Variants in MCTP2 observed in about 807,000 individuals in gnomAD.
The protein encoded by MCTP2 is multiple C2 and transmembrane domain-containing protein 2.
Under a neutral mutation model 111.6 loss-of-function variants are expected in MCTP2, and 132 were observed. The observed-to-expected ratio is 1.18, with a 90% confidence interval of 1.03 to 1.37. MCTP2 has a LOEUF of 1.37. Ranked by LOEUF, MCTP2 falls within the 40% of genes most tolerant of loss-of-function variation. MCTP2 has a pLI of 0.00. For synonymous variants in MCTP2, 395 were observed against 387.7 expected, an observed-to-expected ratio of 1.02 and a Z score of -0.22; for missense variants, 1,183 against 1,067.9, an observed-to-expected ratio of 1.11 and a Z score of -1.50.
At chr15:94,431,559 T>C (rs1166849168) in intron 17 of MCTP2, among the ~76,000 whole-genome samples, 3 of 152,342 alleles carry the variant, frequency 2.0e-5, no homozygotes, top group Non-Finnish European at 4.4e-5. Context: ...GGTATAGTGA[T>C]ATGTAAGACA....
intron 4 of MCTP2, among the ~76,000 whole-genome samples, chr15:94,326,710 G>A (rs1352334648): frequency 6.6e-6 from 1 of 151,910 alleles, no homozygotes; most frequent in Non-Finnish European, 1.5e-5. Flanking sequence ...TGGGATTACA[G>A]GCATGGGCCA....
At position 94,434,612 on chromosome 15, in the gene MCTP2, TA is replaced by T. The variant is rs1042570304; in HGVS notation, c.2086-5556del. Among the ~76,000 whole-genome samples the T allele has an allele frequency of 3.3e-5, 5 of 151,896 alleles. No homozygotes were observed. In the East Asian group the frequency reaches 9.6e-4, roughly 29 times the overall value. On this transcript the variant is annotated intron_variant, in intron 17 of 22. Coordinates refer to ENST00000357742, the MANE Select transcript of MCTP2 (RefSeq NM_001385001.1). ...ATCCAGTTGTTCTAGTGCCAGTGTTTAAAAAAAATACCATTTTTTCGATTGA... is the reference window on the plus strand; with the variant it reads ...ATCCAGTTGTTCTAGTGCCAGTGTTTAAAAAAATACCATTTTTTCGATTGA...
At chr15:94,454,901 A>C (rs983881876) in intron 19 of MCTP2, among the ~76,000 whole-genome samples, 20 of 152,012 alleles carry the variant, frequency 1.3e-4, no homozygotes, top group African/African-American at 4.6e-4. Context: ...CCTCACCGCA[A>C]CCTCTGCCTC....
chr15:94,341,316 A>G, intron 7 of MCTP2: 1 of 168,892 alleles, frequency 5.9e-6, no homozygotes, highest in Non-Finnish European at 1.3e-5. Flanking sequence ...AGATGTCTGT[A>G]ACATCAGTGA....
At chr15:94,243,291 A>G (rs1046633450) in intron 1 of MCTP2, among the ~76,000 whole-genome samples, 4 of 149,006 alleles carry the variant, frequency 2.7e-5, no homozygotes, top group Non-Finnish European at 3.0e-5. Flanking sequence ...GTATGCGTAT[A>G]TGCATATATA....
At chr15:94,303,309 A>T (rs2075731260) in intron 2 of MCTP2, among the ~76,000 whole-genome samples, 1 of 151,844 alleles carries the variant, frequency 6.6e-6, no homozygotes, top group Non-Finnish European at 1.5e-5. Context: ...GTTTGAGGGC[A>T]GGAAGCATCC....
chr15:94,367,310 G>T (rs956971552), intron 10 of MCTP2, among the ~76,000 whole-genome samples: 2 of 151,906 alleles, frequency 1.3e-5, no homozygotes, highest in Admixed American at 1.3e-4. Flanking sequence ...TCTAATTTTT[G>T]ATCTTATCTT....
At chr15:94,289,705 T>A (rs1403766623) in intron 1 of MCTP2, among the ~76,000 whole-genome samples, 1 of 152,166 alleles carries the variant, frequency 6.6e-6, no homozygotes, top group Non-Finnish European at 1.5e-5. Flanking sequence ...AGACAACTTA[T>A]GTATTATTAT....
intron 2 of MCTP2, among the ~76,000 whole-genome samples, chr15:94,310,809 G>A (rs1467459064): frequency 6.6e-6 from 1 of 151,542 alleles, no homozygotes; most frequent in South Asian, 2.1e-4. Flanking sequence ...GTGTGATGGT[G>A]TGCACTTGTA....
At chr15:94,393,283 T>C (rs2081096530) in intron 14 of MCTP2, among the ~76,000 whole-genome samples, 1 of 152,134 alleles carries the variant, frequency 6.6e-6, no homozygotes, top group African/African-American at 2.4e-5. Context: ...TGTCTAAGAT[T>C]TATGTGAAGA....
rs545404385 is a variant in MCTP2, at chr15:94,387,166, T to C, written c.1788+1641T>C. On this transcript the variant is annotated intron_variant, in intron 14 of 22. Transcript: ENST00000357742. Reference sequence around the variant, plus strand: ...CCCCCTTCCTCCTTTCCTTCCTCCCTCTCTCCTTCCTTCCCTAGAAGATCT... The same window carrying C: ...CCCCCTTCCTCCTTTCCTTCCTCCCCCTCTCCTTCCTTCCCTAGAAGATCT... Among the ~76,000 whole-genome samples, 4 of 151,740 alleles carry C rather than the reference T, an allele frequency of 2.6e-5. No homozygotes were observed. In the East Asian group the frequency reaches 5.8e-4, roughly 22 times the overall value.
intron 14 of MCTP2, among the ~76,000 whole-genome samples, chr15:94,397,253 G>A (rs1359363861): frequency 1.3e-5 from 2 of 152,112 alleles, no homozygotes; most frequent in Non-Finnish European, 2.9e-5. Context: ...AGGGACATTA[G>A]GAAACAGGAA....
chr15:94,399,112 A>C, intron 15 of MCTP2, 50 bp downstream of exon 15: 1 of 952,528 alleles, frequency 1.0e-6, no homozygotes, highest in Non-Finnish European at 1.7e-6. Flanking sequence ...CTAAAATAGA[A>C]GGTGACCAGC....
chr15:94,291,776 A>G (rs1437080888), intron 1 of MCTP2, among the ~76,000 whole-genome samples: 1 of 152,216 alleles, frequency 6.6e-6, no homozygotes, highest in African/African-American at 2.4e-5. Context: ...TTTAAAATGA[A>G]GAAAATGCTC....
In MCTP2 at chr15:94,233,249, G is replaced by C. The variant is rs144661678; in HGVS notation, c.-66+1585G>C. Among the ~76,000 whole-genome samples the C allele has an allele frequency of 1.1e-4, 17 of 152,032 alleles. No individual in the cohort carries two copies. In the East Asian group the frequency reaches 3.1e-3, roughly 28 times the overall value. ...GACCTATCTGTGACTAGTAGATGTA[G>C]CTTTAAAAGATAAAATTTATTATGT... On this transcript the variant is annotated intron_variant, in intron 1 of 22. Coordinates refer to ENST00000357742, the MANE Select transcript of MCTP2 (RefSeq NM_001385001.1).
chr15:94,428,914 A>G (rs1429359590), intron 17 of MCTP2, among the ~76,000 whole-genome samples: 1 of 152,120 alleles, frequency 6.6e-6, no homozygotes, highest in Non-Finnish European at 1.5e-5. Context: ...ACAGAACCTC[A>G]GGTAAGCATG....
intron 19 of MCTP2, among the ~76,000 whole-genome samples, chr15:94,446,858 T>C (rs1278085868): frequency 6.6e-6 from 1 of 152,208 alleles, no homozygotes; most frequent in East Asian, 1.9e-4. Flanking sequence ...TGACAGTGTT[T>C]ATGAAAAACA....
chr15:94,375,265 A>T (rs2079703221), intron 12 of MCTP2, among the ~76,000 whole-genome samples: 1 of 152,160 alleles, frequency 6.6e-6, no homozygotes, highest in African/African-American at 2.4e-5. Context: ...TTCATGAAGG[A>T]TCCACACCTG....
intron 2 of MCTP2, among the ~76,000 whole-genome samples, chr15:94,299,331 T>C (rs374253245): frequency 2.0e-5 from 3 of 152,122 alleles, no homozygotes; most frequent in Non-Finnish European, 4.4e-5. Flanking sequence ...AGTGTATGTT[T>C]GTGTCTCTCA....
Sources: gnomAD v4.1 joint callset for allele counts (sites outside exome capture counted in the v4.1 genomes callset) on GRCh38, gnomAD v4.1.1 for gene constraint, MANE v1.5 for transcripts, NCBI Gene and HGNC (gene_info 2026-07-23, HGNC 2026-07-21) for gene names.